Variants in SAMD8 observed in about 807,000 individuals in gnomAD.
SAMD8 encodes sphingomyelin synthase-related protein 1.
SAMD8 carries 20 observed loss-of-function variants against 42.0 expected under a neutral mutation model. That is an observed-to-expected ratio of 0.48 (90% CI 0.34 to 0.69). The LOEUF is 0.69. Among genes scored for constraint, SAMD8 ranks in the 30% least tolerant of loss-of-function variants. SAMD8 has a pLI of 0.01. For synonymous variants in SAMD8, 162 were observed against 173.0 expected (o/e 0.94, Z 0.50); for missense variants, 328 against 511.6 (o/e 0.64, Z 3.46).
intron 1 of SAMD8, among the ~76,000 whole-genome samples, chr10:75,150,008 T>C (rs1172465152): frequency 6.6e-6 from 1 of 152,052 alleles, no homozygotes; most frequent in Non-Finnish European, 1.5e-5. Flanking sequence ...AATAGGATAG[T>C]GTAGGTAAAT....
At chr10:75,127,541 A>G (rs1012587809) in intron 1 of SAMD8, among the ~76,000 whole-genome samples, 1 of 152,236 alleles carries the variant, frequency 6.6e-6, no homozygotes, top group Non-Finnish European at 1.5e-5. Flanking sequence ...AGTTCCTCAG[A>G]CACTGTAAAT....
chr10:75,119,593 A>G (rs1848958890), intron 1 of SAMD8, among the ~76,000 whole-genome samples: 2 of 152,224 alleles, frequency 1.3e-5, no homozygotes, highest in South Asian at 4.1e-4. Flanking sequence ...TTGTACTCCA[A>G]TATTTTTGAT....
intron 1 of SAMD8, among the ~76,000 whole-genome samples, chr10:75,124,821 TC>T (rs1396566808): frequency 1.0e-4 from 15 of 147,152 alleles, no homozygotes; most frequent in Non-Finnish European, 2.1e-4. Context: ...TTTTTTTTTT[TC>T]CTAAGATGGG....
intron 4 of SAMD8, among the ~76,000 whole-genome samples, chr10:75,169,169 CAAAAAAAAAA>C (rs1023080854): frequency 3.3e-5 from 1 of 30,240 alleles, no homozygotes; most frequent in African/African-American, 1.4e-4. Context: ...GACTCCATCT[CAAAAAAAAAA>C]AAAAAAAAAA....
chr10:75,150,470 A>T (rs1278624663), intron 1 of SAMD8, 44 bp from the exon 2 acceptor site: 2 of 1,549,746 alleles, frequency 1.3e-6, no homozygotes, highest in Non-Finnish European at 1.7e-6. Context: ...AATTGTTAGG[A>T]CATACTGAAG....
At chr10:75,111,761 G>A (rs945002419) in intron 1 of SAMD8, 39 bp downstream of exon 1, 1 of 1,233,056 alleles carries the variant, frequency 8.1e-7, no homozygotes, top group Non-Finnish European at 1.0e-6. Context: ...GGAGCTTGGG[G>A]GGCGCCTGCT....
At chr10:75,101,755 A>G (rs1408167292) in intron 1 of SAMD8, 4 of 632,656 alleles carry the variant, frequency 6.3e-6, no homozygotes, top group Non-Finnish European at 1.1e-5. Flanking sequence ...TCGGTTCTCT[A>G]CCCAACCCAA....
intron 1 of SAMD8, 49 bp downstream of exon 1, chr10:75,111,771 T>C: frequency 8.1e-7 from 1 of 1,232,400 alleles, no homozygotes; most frequent in Non-Finnish European, 1.0e-6. Context: ...GGGCGCCTGC[T>C]GCCAAGGGTG....
chr10:75,128,280 C>G (rs1253524899), intron 1 of SAMD8, among the ~76,000 whole-genome samples: 1 of 152,176 alleles, frequency 6.6e-6, no homozygotes, highest in Admixed American at 6.6e-5. Flanking sequence ...ACCATGTTGG[C>G]TAGGCTGGTC....
intron 1 of SAMD8, chr10:75,105,742 A>G (rs888529301): frequency 6.4e-7 from 1 of 1,554,292 alleles, no homozygotes; most frequent in Non-Finnish European, 8.7e-7. Flanking sequence ...GTTGGGGAAG[A>G]CCCATCGGTG....
intron 4 of SAMD8, among the ~76,000 whole-genome samples, 195 bp downstream of exon 4, chr10:75,168,853 G>A (rs1402725232): frequency 6.6e-6 from 1 of 152,118 alleles, no homozygotes; most frequent in Non-Finnish European, 1.5e-5. Flanking sequence ...GTTGAAACTC[G>A]TTCTATGCTA....
intron 3 of SAMD8, among the ~76,000 whole-genome samples, chr10:75,166,135 T>G (rs1440547279): frequency 1.3e-5 from 2 of 152,148 alleles, no homozygotes; most frequent in Non-Finnish European, 2.9e-5. Flanking sequence ...TACTTTCATT[T>G]TATTTACTTT....
At chr10:75,142,483 C>T (rs1381706339) in intron 1 of SAMD8, among the ~76,000 whole-genome samples, 1 of 152,160 alleles carries the variant, frequency 6.6e-6, no homozygotes, top group Non-Finnish European at 1.5e-5. Flanking sequence ...TGCCACCAGG[C>T]TGGAGTGCAG....
intron 2 of SAMD8, among the ~76,000 whole-genome samples, chr10:75,160,033 A>T (rs1371657892): frequency 8.3e-6 from 1 of 120,604 alleles, no homozygotes; most frequent in Non-Finnish European, 1.6e-5. Flanking sequence ...TAACCATAAT[A>T]GCAAGGGAGG....
chr10:75,151,214 T>C lies in SAMD8; in HGVS notation c.578+108T>C, dbSNP rs1406416331. On this transcript the variant is annotated intron_variant, in intron 2 of 5. Coordinates refer to ENST00000542569, the MANE Select transcript of SAMD8 (RefSeq NM_001174156.2). ...GTTTCTTATTGTGGTAGATGTATAC[T>C]TTCCATTTGCTTTATCTGGCGGTAT... The C allele has an allele frequency of 5.4e-6, 3 of 552,768 alleles. No individual in the cohort carries two copies. The Admixed American group carries it at 1.2e-4, about 22-fold the overall frequency. 34.2% of individuals were successfully genotyped at this position (552,768 alleles called of 1,614,324 possible). A position where few individuals can be genotyped will look rare whatever the true frequency, so the allele number is the denominator to read the frequency against.
chr10:75,136,547 AGCC>A (rs2134453875), intron 1 of SAMD8, among the ~76,000 whole-genome samples: 1 of 152,296 alleles, frequency 6.6e-6, no homozygotes, highest in East Asian at 1.9e-4. Flanking sequence ...AGGACTAAAG[AGCC>A]TTTGGTAATC....
At chr10:75,143,491 T>C (rs1840067387) in intron 1 of SAMD8, among the ~76,000 whole-genome samples, 1 of 152,160 alleles carries the variant, frequency 6.6e-6, no homozygotes, top group African/African-American at 2.4e-5. Flanking sequence ...AGCTTTTGTG[T>C]GTCTGAACAA....
Position 75,176,083 on chromosome 10 carries a change from G to T in SAMD8, c.810G>T (p.Trp270Cys). 1.9e-6 allele frequency: 3 copies of T among 1,614,074 alleles called. No individual in the cohort carries two copies. Among genetic ancestry groups the T allele is most frequent in the Non-Finnish European group, 2.5e-6 (3 of 1,179,988 alleles). Residue 270 changes from tryptophan (W) to cysteine (C), a missense_variant, in exon 5 of 6, where the codon TGG becomes TGT. Coordinates refer to ENST00000542569, the MANE Select transcript of SAMD8 (RefSeq NM_001174156.2). The surrounding 1 kb of genome is among the most constrained non-coding windows in gnomAD (Gnocchi z 4.3). ...CTTCATAGATATATGGCAGTGTATG[G>T]GAGAAATTACATCGAGCCTTTGCCA... Reference protein sequence around the residue: ...QCTGKIYGSVWEKLHRAFAIW... With the variant: ...QCTGKIYGSVCEKLHRAFAIW...
At chr10:75,142,593 C>T (rs896438359) in intron 1 of SAMD8, among the ~76,000 whole-genome samples, 10 of 152,136 alleles carry the variant, frequency 6.6e-5, no homozygotes, top group Admixed American at 1.3e-4. Context: ...CGTGCCACCA[C>T]GCCCAGCTAA....
Sources: gnomAD v4.1 joint callset for allele counts (sites outside exome capture counted in the v4.1 genomes callset) on GRCh38, gnomAD v4.1.1 for gene constraint, Gnocchi (gnomAD v3.1) non-coding constraint, MANE v1.5 for transcripts, NCBI Gene and HGNC (gene_info 2026-07-23, HGNC 2026-07-21) for gene names.